The following C2CD3 variants were observed in gnomAD, a reference collection of about 807,000 sequenced individuals.
C2CD3 encodes C2 domain containing 3 centriole elongation regulator, also known as C2 domain-containing protein 3.
In C2CD3, 148 loss-of-function variants were observed where a neutral mutation model predicts 234.0. The observed-to-expected ratio is 0.63, with a 90% CI of 0.55 to 0.72. The LOEUF is 0.72. C2CD3 is among the 30% of genes least tolerant of loss of function. The probability of loss-of-function intolerance (pLI) is 0.00; values close to 1 mark genes in which losing one functional copy is unlikely to be tolerated. For synonymous variants in C2CD3, 1,000 were observed against 1,035.4 expected, an observed-to-expected ratio of 0.97 and a Z score of 0.66; for missense variants, 2,577 against 2,811.5, an observed-to-expected ratio of 0.92 and a Z score of 1.89.
chr11:74,121,896 C>T (rs1957230970), intron 8 of C2CD3, among the ~76,000 whole-genome samples: 1 of 152,186 alleles, frequency 6.6e-6, no homozygotes, highest in Admixed American at 6.5e-5. Flanking sequence ...ACCTCCTGTC[C>T]AATTCCACTG....
intron 24 of C2CD3, among the ~76,000 whole-genome samples, chr11:74,059,541 T>C (rs1433125474): frequency 6.6e-6 from 1 of 151,008 alleles, no homozygotes; most frequent in Non-Finnish European, 1.5e-5. Flanking sequence ...TAAGTACTCC[T>C]CCAGGGGCCT....
rs1334066659 is a variant in C2CD3, at chr11:74,102,445, A to G, written c.2580+686T>C. On this transcript the variant is annotated intron_variant, in intron 14 of 32. Transcript: ENST00000334126. ...AAAAGGAAATGTCTGGCTTATATAG[A>G]AATGTAGACATGGAAGTTATCTTCA... Among the ~76,000 whole-genome samples the G allele has an allele frequency of 2.0e-5, 3 of 152,262 alleles. No individual in the cohort carries two copies. The East Asian group carries it at 5.8e-4, about 29-fold the overall frequency.
intron 32 of C2CD3, among the ~76,000 whole-genome samples, chr11:74,017,879 C>T (rs995972898): frequency 4.6e-5 from 7 of 152,188 alleles, no homozygotes; most frequent in African/African-American, 1.7e-4. Context: ...CACTCCAGCC[C>T]CCAGATGGAT....
At chr11:74,067,821 T>C (rs1272494229) in intron 24 of C2CD3, among the ~76,000 whole-genome samples, 3 of 152,178 alleles carry the variant, frequency 2.0e-5, no homozygotes, top group Non-Finnish European at 4.4e-5. Context: ...CTCGGACTCT[T>C]TTGCAGCTAG....
At position 74,074,273 on chromosome 11, in the gene C2CD3, G is replaced by T. The variant is rs1954928554; in HGVS notation, c.4931C>A (p.Ala1644Glu). 1 of 1,613,582 alleles carries T rather than the reference G, an allele frequency of 6.2e-7. No homozygotes were observed. The highest frequency in any genetic ancestry group is 1.7e-5 in the Admixed American group (1 of 59,992). Residue 1644 changes from alanine (A) to glutamate (E), a missense_variant, in exon 24 of 33, where the codon GCA becomes GAA. Ala to Glu is a moderately radical substitution (Grantham distance 107). Transcript: ENST00000334126. ...CATACCTTTCAAGCTCAAGTGCATT[G>T]CTCTTTCTACTAGGATGCTGACTGC... ...TFAVSILVER[A>E]MHLSLKGSPL...
At chr11:74,118,678 T>C (rs931416326) in intron 8 of C2CD3, among the ~76,000 whole-genome samples, 4 of 152,228 alleles carry the variant, frequency 2.6e-5, no homozygotes, top group Non-Finnish European at 5.9e-5. Flanking sequence ...TCTGGTATTA[T>C]GCTTAATGCT....
intron 29 of C2CD3, among the ~76,000 whole-genome samples, chr11:74,038,771 C>T (rs752246059): frequency 3.3e-5 from 5 of 152,362 alleles, no homozygotes; most frequent in East Asian, 1.9e-4. Context: ...TCATTTCACA[C>T]ATCAAACTTT....
intron 9 of C2CD3, among the ~76,000 whole-genome samples, chr11:74,117,875 T>C (rs528191893): frequency 6.0e-5 from 9 of 149,134 alleles, no homozygotes; most frequent in East Asian, 2.0e-4. Context: ...ATCGTGCCAT[T>C]GCACTCCAGT....
intron 1 of C2CD3, among the ~76,000 whole-genome samples, chr11:74,169,450 C>G (rs1016811130): frequency 2.0e-5 from 3 of 151,068 alleles, no homozygotes; most frequent in African/African-American, 7.3e-5. Context: ...CTTTTTTTTC[C>G]TTTGACTTTT....
At chr11:74,031,367 A>G (rs1034231940) in intron 31 of C2CD3, among the ~76,000 whole-genome samples, 3 of 152,234 alleles carry the variant, frequency 2.0e-5, no homozygotes, top group Non-Finnish European at 4.4e-5. Flanking sequence ...GACTCTAGCC[A>G]CAGTGAACTA....
rs762131748 is a variant in C2CD3, at chr11:74,132,934, A to G, written c.1127T>C (p.Ile376Thr). Residue 376 changes from isoleucine to threonine, a missense_variant, in exon 7 of 33, where the codon ATT becomes ACT. Physicochemically the swap from Ile to Thr is moderately conservative, Grantham distance 89. Coordinates refer to ENST00000334126, the MANE Select transcript of C2CD3 (RefSeq NM_001286577.2). ...AGTTGAAGGGAGGAGGTGATCTTCAATGTGGTCTTTAAACCGATTCCTAGA... is the reference window on the plus strand; with the variant it reads ...AGTTGAAGGGAGGAGGTGATCTTCAGTGTGGTCTTTAAACCGATTCCTAGA... ...AFSRNRFKDH[I>T]EDHLLPSTEN... 9.3e-6 allele frequency: 15 copies of G among 1,613,894 alleles called. No individual in the cohort carries two copies. The highest frequency in any genetic ancestry group is 1.3e-5 in the Non-Finnish European group (15 of 1,179,786).
chr11:74,158,156 C>G (rs1013677874), intron 3 of C2CD3, among the ~76,000 whole-genome samples: 2 of 152,084 alleles, frequency 1.3e-5, no homozygotes, highest in African/African-American at 4.8e-5. Flanking sequence ...CTCAAAAGCA[C>G]AAGCAACAAA....
intron 11 of C2CD3, 110 bp from the exon 12 acceptor site, chr11:74,109,262 G>A (rs939369056): frequency 3.2e-6 from 2 of 630,012 alleles, no homozygotes; most frequent in Non-Finnish European, 5.6e-6. Context: ...AAAATCTCCT[G>A]CAGAAATCGA....
intron 24 of C2CD3, among the ~76,000 whole-genome samples, chr11:74,059,679 G>T (rs183831043): frequency 6.6e-6 from 1 of 152,144 alleles, no homozygotes; most frequent in South Asian, 2.1e-4. Context: ...CAAGATGGCC[G>T]AATAGGAACA....
At chr11:74,140,617 T>G (rs1037164774) in intron 3 of C2CD3, among the ~76,000 whole-genome samples, 3 of 152,196 alleles carry the variant, frequency 2.0e-5, no homozygotes, top group Non-Finnish European at 2.9e-5. Flanking sequence ...CTGATTAGAT[T>G]ATGCATTCCT....
In C2CD3 at chr11:74,123,067, C is replaced by A. The variant is rs1169010888; in HGVS notation, c.1286G>T (p.Ser429Ile). 1.2e-6 allele frequency: 2 copies of A among 1,612,460 alleles called. No individual in the cohort carries two copies. The highest frequency in any genetic ancestry group is 1.7e-5 in the Admixed American group (1 of 59,990). Residue 429 changes from serine (S) to isoleucine (I), a missense_variant, in exon 8 of 33, where the codon AGT (serine) becomes ATT (isoleucine). By Grantham distance (142) the Ser-to-Ile change is moderately radical. Transcript: ENST00000334126. ...CAGCTCACTGATGCAATACACATCA[C>A]TCCCAGGAGATGGGGAATCTGGAGG... ...GSPPDSPSPG[S>I]DVYCISELND...
chr11:74,156,365 G>A (rs1856018372), intron 3 of C2CD3, among the ~76,000 whole-genome samples: 1 of 151,178 alleles, frequency 6.6e-6, no homozygotes, highest in Non-Finnish European at 1.5e-5. Flanking sequence ...GGGAGGCTGA[G>A]GTAGGAGGAT....
chr11:74,059,021 A>G (rs1459724541), intron 24 of C2CD3, among the ~76,000 whole-genome samples: 3 of 152,160 alleles, frequency 2.0e-5, no homozygotes, highest in African/African-American at 4.8e-5. Flanking sequence ...TAGACTATAT[A>G]TTTCACGAGA....
intron 28 of C2CD3, 152 bp downstream of exon 28, chr11:74,048,053 T>C (rs759546098): frequency 2.0e-5 from 16 of 806,194 alleles, no homozygotes; most frequent in East Asian, 8.1e-5. Context: ...TTTCATACGA[T>C]CTTGGGGTTT....
Sources: gnomAD v4.1 joint callset for allele counts (sites outside exome capture counted in the v4.1 genomes callset) on GRCh38, gnomAD v4.1.1 for gene constraint, MANE v1.5 for transcripts, NCBI Gene and HGNC (gene_info 2026-07-23, HGNC 2026-07-21) for gene names.